Variants in ADGRL3 observed in about 807,000 individuals in gnomAD.
ADGRL3 encodes the protein adhesion G protein-coupled receptor L3, also known as calcium-independent alpha-latrotoxin receptor 3.
In ADGRL3, 62 loss-of-function variants were observed where a neutral mutation model predicts 153.5. That is an observed-to-expected ratio of 0.40 (90% CI 0.33 to 0.50). The LOEUF is 0.50. Ranked by LOEUF, ADGRL3 falls within the 20% of genes least tolerant of loss-of-function variation. ADGRL3 has a pLI of 0.47. For synonymous variants in ADGRL3, 710 were observed against 672.5 expected (o/e 1.06, Z -0.86); for missense variants, 1,641 against 1,859.4 (o/e 0.88, Z 2.16).
intron 3 of ADGRL3, among the ~76,000 whole-genome samples, chr4:61,508,893 ACTT>A (rs1560753793): frequency 6.6e-6 from 1 of 152,168 alleles, no homozygotes; most frequent in Non-Finnish European, 1.5e-5. Context: ...AGGCAAGAGC[ACTT>A]CTTATATGGC....
chr4:61,847,833 A>ATATATATAATATAAAATATAT (rs1375105164), intron 9 of ADGRL3, among the ~76,000 whole-genome samples: 21 of 8,774 alleles, frequency 2.4e-3, no homozygotes, highest in Non-Finnish European at 3.4e-3. Context: ...AATATAAAAT[A>ATATATATAATATAAAATATAT]TATATATAAT....
chr4:61,306,066 G>A (rs988155388), intron 1 of ADGRL3, among the ~76,000 whole-genome samples: 3 of 151,790 alleles, frequency 2.0e-5, no homozygotes, highest in African/African-American at 4.8e-5. Context: ...TTGGTCACAA[G>A]GATGAACTTA....
At chr4:61,947,386 G>A (rs184115841) in intron 16 of ADGRL3, among the ~76,000 whole-genome samples, 1 of 152,248 alleles carries the variant, frequency 6.6e-6, no homozygotes, top group African/African-American at 2.4e-5. Flanking sequence ...TAGCTCAAGT[G>A]TAGAGAACTA....
intron 9 of ADGRL3, among the ~76,000 whole-genome samples, chr4:61,860,520 G>C (rs948485117): frequency 3.3e-5 from 5 of 151,932 alleles, no homozygotes; most frequent in Non-Finnish European, 7.4e-5. Context: ...GATCGGTGTG[G>C]AGTAGAAGAC....
chr4:61,867,897 G>A lies in ADGRL3; in HGVS notation c.1481-24759G>A, dbSNP rs566128693. ...GTGGATTTTTTTATATTATTTTCTT[G>A]AGATATAGTCCCCTAAGTGGGTGTA... On this transcript the variant is annotated intron_variant, in intron 9 of 26. Coordinates refer to ENST00000683033, the MANE Select transcript of ADGRL3 (RefSeq NM_001387552.1). Among the ~76,000 whole-genome samples the A allele has an allele frequency of 2.0e-5, 3 of 151,972 alleles. No homozygotes were observed. The East Asian group carries it at 5.8e-4, about 30-fold the overall frequency.
intron 4 of ADGRL3, among the ~76,000 whole-genome samples, chr4:61,520,631 TGAG>T (rs1369937203): frequency 6.8e-6 from 1 of 147,412 alleles, no homozygotes; most frequent in African/African-American, 2.6e-5. Flanking sequence ...TATTTATAGA[TGAG>T]GAGGCTTCTA....
At chr4:61,574,337 T>A (rs1206454629) in intron 4 of ADGRL3, among the ~76,000 whole-genome samples, 1 of 152,032 alleles carries the variant, frequency 6.6e-6, no homozygotes, top group Non-Finnish European at 1.5e-5. Context: ...TATGTGGATG[T>A]AACTATCATT....
At chr4:61,793,824 C>T (rs1247463948) in intron 8 of ADGRL3, among the ~76,000 whole-genome samples, 2 of 151,950 alleles carry the variant, frequency 1.3e-5, no homozygotes, top group African/African-American at 2.4e-5. Flanking sequence ...GAAATATGAC[C>T]TCAACATATG....
intron 21 of ADGRL3, among the ~76,000 whole-genome samples, chr4:62,004,420 G>A (rs1220199706): frequency 6.6e-6 from 1 of 151,856 alleles, no homozygotes. Context: ...GGATGAGTTT[G>A]AGGAAAATTT....
intron 6 of ADGRL3, among the ~76,000 whole-genome samples, chr4:61,687,558 T>A: frequency 6.6e-6 from 1 of 151,996 alleles, no homozygotes; most frequent in Admixed American, 6.6e-5. Context: ...TAGGGAAGGG[T>A]GGGATGTAAA....
chr4:61,870,275 T>C (rs1245449341), intron 9 of ADGRL3, among the ~76,000 whole-genome samples: 1 of 152,044 alleles, frequency 6.6e-6, no homozygotes, highest in Non-Finnish European at 1.5e-5. Flanking sequence ...GTGAATGGGG[T>C]TGGACCTATC....
At chr4:61,858,688 T>C (rs747611010) in intron 9 of ADGRL3, among the ~76,000 whole-genome samples, 4 of 152,194 alleles carry the variant, frequency 2.6e-5, no homozygotes, top group Non-Finnish European at 5.9e-5. Context: ...CATAATGAAG[T>C]ATTTGTCTTC....
rs79256517 is a variant in ADGRL3 at position 61,808,792 on chromosome 4, C to CTT, written c.1400-5003_1400-5002dup. On this transcript the variant is annotated intron_variant, in intron 8 of 26. Transcript: ENST00000683033. Reference sequence around the variant, plus strand: ...AGATTATTTCCAACAAGAAATCGGGCTTTTTTTTTTTTTTTAAGGATCAGA... The same window carrying CTT: ...AGATTATTTCCAACAAGAAATCGGGCTTTTTTTTTTTTTTTTTAAGGATCAGA... Among the ~76,000 whole-genome samples the CTT allele has an allele frequency of 2.9e-3, 378 of 128,848 alleles. 2 individuals are homozygous for CTT. Among genetic ancestry groups the CTT allele is most frequent in the African/African-American group, 8.5e-3 (298 of 35,058 alleles). 84.5% of individuals were successfully genotyped at this position (128,848 alleles called of 152,430 possible).
chr4:61,231,634 TAGC>T (rs1449379776), intron 1 of ADGRL3, among the ~76,000 whole-genome samples: 1 of 152,132 alleles, frequency 6.6e-6, no homozygotes, highest in Non-Finnish European at 1.5e-5. Flanking sequence ...TGCATTTCCT[TAGC>T]AACTGCACTT....
At chr4:62,065,650 C>T (rs1206738441) in intron 25 of ADGRL3, among the ~76,000 whole-genome samples, 1 of 151,746 alleles carries the variant, frequency 6.6e-6, no homozygotes, top group Non-Finnish European at 1.5e-5. Context: ...AAATTTGGAC[C>T]ACATTTTGTT....
intron 25 of ADGRL3, among the ~76,000 whole-genome samples, chr4:62,050,874 G>T (rs1442216233): frequency 6.6e-6 from 1 of 151,696 alleles, no homozygotes; most frequent in Non-Finnish European, 1.5e-5. Flanking sequence ...TGTTAGCTAT[G>T]CAAGTTAACA....
chr4:61,676,021 TCCC>T, intron 5 of ADGRL3, among the ~76,000 whole-genome samples: 1 of 152,006 alleles, frequency 6.6e-6, no homozygotes, highest in Non-Finnish European at 1.5e-5. Flanking sequence ...GTTTAATGGC[TCCC>T]ATAAATAAGA....
chr4:61,931,768 G>A (rs2098818534), intron 13 of ADGRL3, among the ~76,000 whole-genome samples: 2 of 152,032 alleles, frequency 1.3e-5, no homozygotes, highest in African/African-American at 4.8e-5. Flanking sequence ...AATTGTTTGG[G>A]CTTTAGTAGA....
Position 61,203,680 on chromosome 4 carries a change from A to G in ADGRL3, c.-240+1915A>G, listed in dbSNP as rs149168673. Among the ~76,000 whole-genome samples the G allele has an allele frequency of 2.4e-3, 367 of 152,340 alleles. 1 individual carries two copies. In the Middle Eastern group the frequency reaches 0.037, roughly 16 times the overall value. Reference sequence around the variant, plus strand: ...CACTTTTTCATTTGGAGACTTTCCTATATTTCCCTATGAGAATAAACAGAG... The same window carrying G: ...CACTTTTTCATTTGGAGACTTTCCTGTATTTCCCTATGAGAATAAACAGAG... On this transcript the variant is annotated intron_variant, in intron 1 of 26. Transcript: ENST00000683033.
Sources: gnomAD v4.1 joint callset for allele counts (sites outside exome capture counted in the v4.1 genomes callset) on GRCh38, gnomAD v4.1.1 for gene constraint, MANE v1.5 for transcripts, NCBI Gene and HGNC (gene_info 2026-07-23, HGNC 2026-07-21) for gene names.